C5: variants seen among roughly 807,000 people sequenced by gnomAD.
The protein encoded by C5 is complement C5.
In C5, 140 loss-of-function variants were observed where a neutral mutation model predicts 218.8. The observed-to-expected ratio is 0.64, with a 90% confidence interval of 0.56 to 0.74. C5 has a LOEUF of 0.74. Among genes scored for constraint, C5 ranks in the 30% least tolerant of loss-of-function variants. The probability of loss-of-function intolerance (pLI) is 0.00; values close to 1 mark genes in which losing one functional copy is unlikely to be tolerated. For synonymous variants in C5, 614 were observed against 682.3 expected (o/e 0.90, Z 1.56); for missense variants, 1,700 against 1,969.6 (o/e 0.86, Z 2.59).
upstream of C5, among the ~76,000 whole-genome samples, chr9:121,050,446 A>G (rs570244680): frequency 1.3e-5 from 2 of 152,334 alleles, no homozygotes; most frequent in South Asian, 2.1e-4. Flanking sequence ...ACAGGAACTT[A>G]CACCCAGGGA....
At chr9:121,006,775 A>T (rs1564148603) in intron 19 of C5, 129 bp downstream of exon 19, 3 of 690,036 alleles carry the variant, frequency 4.3e-6, no homozygotes, top group Non-Finnish European at 5.1e-6. Context: ...GGTAATACAT[A>T]AAAAAAAGAA....
Position 121,008,440 on chromosome 9 carries a change from G to C in C5, c.2316C>G (p.Ser772Arg), listed in dbSNP as rs938635711. Residue 772 changes from serine (S) to arginine (R), a missense_variant, in exon 18 of 41, where the codon AGC becomes AGG. By Grantham distance (110) the Ser-to-Arg change is moderately radical. Coordinates refer to ENST00000223642, the MANE Select transcript of C5 (RefSeq NM_001735.3). ...KPEIRSYFPESWLWEVHLVPR... is the reference protein window; with the variant it reads ...KPEIRSYFPERWLWEVHLVPR... The stretch of plus-strand genomic sequence containing the variant: ...GAACAAGATGAACTTCCCACAACCA[G>C]CTTTCTGGAAAATAACTCCGAATTT... 6.2e-7 allele frequency: 1 copy of C among 1,613,438 alleles called. No homozygotes were observed. The highest frequency in any genetic ancestry group is 1.3e-5 in the African/African-American group (1 of 74,826).
intron 4 of C5, among the ~76,000 whole-genome samples, chr9:121,036,851 C>G (rs931445377): frequency 6.6e-6 from 1 of 151,958 alleles, no homozygotes; most frequent in African/African-American, 2.4e-5. Context: ...TTTGCACCTG[C>G]ATTCTGATAA....
At chr9:120,995,921 C>A (rs41309906) in intron 22 of C5, among the ~76,000 whole-genome samples, 1 of 150,820 alleles carries the variant, frequency 6.6e-6, no homozygotes, top group Non-Finnish European at 1.5e-5. Context: ...CAGGTTCAAG[C>A]GATTCTCCTG....
At chr9:121,016,929 CATA>C (rs1381732593) in intron 14 of C5, among the ~76,000 whole-genome samples, 2 of 152,048 alleles carry the variant, frequency 1.3e-5, no homozygotes, top group African/African-American at 4.8e-5. Flanking sequence ...AATAGCTGAA[CATA>C]ATAAGATAAA....
upstream of C5, among the ~76,000 whole-genome samples, chr9:121,052,453 G>GAA (rs1192286050): frequency 0.015 from 926 of 63,166 alleles, 14 homozygotes; most frequent in African/African-American, 0.052. Context: ...CTCCATCTCA[G>GAA]AAAAAAAAAA....
At chr9:121,013,050 T>C (rs111822494) in intron 17 of C5, among the ~76,000 whole-genome samples, 5 of 152,202 alleles carry the variant, frequency 3.3e-5, no homozygotes, top group African/African-American at 1.2e-4. Context: ...CTGGGCACAG[T>C]GGCTCACGCC....
At chr9:121,045,745 T>G (rs1270575781) in intron 2 of C5, among the ~76,000 whole-genome samples, 1 of 152,176 alleles carries the variant, frequency 6.6e-6, no homozygotes, top group Non-Finnish European at 1.5e-5. Flanking sequence ...ACTTTAGTAA[T>G]CACAAATTTT....
intron 32 of C5, among the ~76,000 whole-genome samples, chr9:120,969,681 C>A (rs2046895991): frequency 6.6e-6 from 1 of 151,872 alleles, no homozygotes; most frequent in African/African-American, 2.4e-5. Context: ...ACAGGAGAGA[C>A]TAAAAAAGAA....
chr9:121,023,595 T>C (rs1051853624), intron 9 of C5, 76 bp from the exon 10 acceptor site: 4 of 833,354 alleles, frequency 4.8e-6, no homozygotes, highest in African/African-American at 1.7e-5. Context: ...TTCATCTCTA[T>C]ATGTCTCCAC....
intron 20 of C5, among the ~76,000 whole-genome samples, chr9:121,002,316 G>GTA (rs71370614): frequency 0.029 from 2,519 of 87,322 alleles, 57 homozygotes; most frequent in African/African-American, 0.053. Context: ...ATATGTGTGT[G>GTA]TATATATATA....
the C5 span, among the ~76,000 whole-genome samples, chr9:121,073,248 T>C: frequency 6.6e-6 from 1 of 152,328 alleles, no homozygotes; most frequent in Non-Finnish European, 1.5e-5. Flanking sequence ...CCACACTGAA[T>C]TACTTAACAT....
intron 20 of C5, among the ~76,000 whole-genome samples, chr9:121,004,937 G>A (rs2047204256): frequency 6.6e-6 from 1 of 151,608 alleles, no homozygotes; most frequent in African/African-American, 2.4e-5. Context: ...AAAAATTTTA[G>A]ATGCCAATTT....
intron 5 of C5, 43 bp downstream of exon 5, chr9:121,034,759 CA>C (rs745695002): frequency 9.0e-5 from 102 of 1,128,532 alleles, no homozygotes; most frequent in Non-Finnish European, 6.7e-5. Flanking sequence ...GCTTCTTCAC[CA>C]AAAGTTCCGT....
At chr9:120,965,769 C>G (rs1256511764) in intron 33 of C5, among the ~76,000 whole-genome samples, 1 of 152,104 alleles carries the variant, frequency 6.6e-6, no homozygotes, top group African/African-American at 2.4e-5. Context: ...CTCACAGATG[C>G]AAACACTTTG....
intron 39 of C5, among the ~76,000 whole-genome samples, chr9:120,955,712 A>T (rs1211786898): frequency 1.3e-5 from 2 of 152,176 alleles, no homozygotes; most frequent in Non-Finnish European, 1.5e-5. Flanking sequence ...TTTAAAAAAA[A>T]TTATCAAAGT....
At position 120,957,335 on chromosome 9, in the gene C5, T is replaced by C; in HGVS notation, c.4712A>G (p.Glu1571Gly). 1 of 1,613,226 alleles carries C rather than the reference T, an allele frequency of 6.2e-7. No individual in the cohort carries two copies. Among genetic ancestry groups the C allele is most frequent in the Non-Finnish European group, 8.5e-7 (1 of 1,179,404 alleles). The change falls in exon 39 of 41, where the codon GAA becomes GGA. Residue 1571 changes from glutamate to glycine, a missense_variant. Transcript: ENST00000223642. ...YKVSITSITV[E>G]NVFVKYKATL... ...TGCCTTGTACTTGACAAAAACATTT[T>C]CTACAGTGATGGATGTGATGCTAAC...
At chr9:120,973,996 T>C (rs939818524) in intron 30 of C5, among the ~76,000 whole-genome samples, 4 of 152,188 alleles carry the variant, frequency 2.6e-5, no homozygotes, top group African/African-American at 9.7e-5. Flanking sequence ...TTATTTCTCA[T>C]GCTTGTTTAC....
At chr9:121,026,761 G>A (rs1010636695) in intron 8 of C5, among the ~76,000 whole-genome samples, 1 of 152,146 alleles carries the variant, frequency 6.6e-6, no homozygotes, top group Non-Finnish European at 1.5e-5. Flanking sequence ...AGTCAGGGGA[G>A]GCTTCCCAGA....
Sources: gnomAD v4.1 joint callset for allele counts (sites outside exome capture counted in the v4.1 genomes callset) on GRCh38, gnomAD v4.1.1 for gene constraint, MANE v1.5 for transcripts, NCBI Gene and HGNC (gene_info 2026-07-23, HGNC 2026-07-21) for gene names.